The following DAB1 variants were observed in gnomAD, a reference collection of about 807,000 sequenced individuals.
DAB1 encodes the protein disabled homolog 1.
In DAB1, 15 loss-of-function variants were observed where a neutral mutation model predicts 64.6. The ratio of observed to expected loss-of-function variants is 0.23; its 90% CI spans 0.16 to 0.36. The LOEUF (loss-of-function observed/expected upper bound fraction) is 0.36, where lower values mean the gene tolerates loss of function less well. Among genes scored for constraint, DAB1 ranks in the 10% least tolerant of loss-of-function variants. The pLI is 1.00. For synonymous variants in DAB1, 235 were observed against 251.9 expected (o/e 0.93, Z 0.64); for missense variants, 596 against 706.7 (o/e 0.84, Z 1.78).
chr1:58,029,420 C>A (rs371178442), intron 5 of DAB1, among the ~76,000 whole-genome samples: 10 of 152,312 alleles, frequency 6.6e-5, no homozygotes, highest in African/African-American at 2.4e-4. Flanking sequence ...ACAAAAAAAT[C>A]AACACAGCAG....
At chr1:57,752,703 T>C (rs1219079191) in intron 6 of DAB1, among the ~76,000 whole-genome samples, 1 of 152,190 alleles carries the variant, frequency 6.6e-6, no homozygotes, top group African/African-American at 2.4e-5. Context: ...TTCAAGGCTC[T>C]AGAATGTACT....
intron 6 of DAB1, among the ~76,000 whole-genome samples, chr1:57,744,540 T>A (rs1648170252): frequency 6.6e-6 from 1 of 152,126 alleles, no homozygotes; most frequent in African/African-American, 2.4e-5. Flanking sequence ...CCATTCTAAG[T>A]ACTTGTAATT....
chr1:58,347,936 T>C (rs1016818318), intron 3 of DAB1, among the ~76,000 whole-genome samples: 2 of 152,124 alleles, frequency 1.3e-5, no homozygotes, highest in African/African-American at 4.8e-5. Context: ...TAACTCCGGG[T>C]CTTGCCTGAC....
intron 5 of DAB1, among the ~76,000 whole-genome samples, chr1:58,050,799 G>T (rs1237109896): frequency 6.6e-6 from 1 of 152,174 alleles, no homozygotes; most frequent in African/African-American, 2.4e-5. Flanking sequence ...AAAGTGCTGA[G>T]ATTACAGGCG....
intron 7 of DAB1, among the ~76,000 whole-genome samples, chr1:57,578,229 T>C (rs780323908): frequency 6.6e-6 from 1 of 152,192 alleles, no homozygotes; most frequent in Non-Finnish European, 1.5e-5. Flanking sequence ...TATTTTTGAA[T>C]TTTCTATCAA....
intron 1 of DAB1, among the ~76,000 whole-genome samples, chr1:57,303,622 T>C (rs1322699842): frequency 1.3e-5 from 2 of 151,996 alleles, no homozygotes; most frequent in Non-Finnish European, 2.9e-5. Flanking sequence ...AAGTTGTGAG[T>C]TAGCAGAAGT....
At chr1:57,261,593 C>G (rs1467504200) in intron 2 of DAB1, among the ~76,000 whole-genome samples, 2 of 152,126 alleles carry the variant, frequency 1.3e-5, no homozygotes. Context: ...AGACCTACTT[C>G]TCCATAGAGT....
intron 5 of DAB1, among the ~76,000 whole-genome samples, chr1:57,891,299 C>G (rs527511547): frequency 6.6e-6 from 1 of 152,244 alleles, no homozygotes; most frequent in South Asian, 2.1e-4. Context: ...CAAATCAAAC[C>G]ACAATGAGAT....
chr1:58,113,486 T>C (rs1484643890), intron 5 of DAB1, among the ~76,000 whole-genome samples: 2 of 152,280 alleles, frequency 1.3e-5, no homozygotes, highest in South Asian at 2.1e-4. Flanking sequence ...TCTGCCATCA[T>C]AAAAGTATCT....
At chr1:57,038,783 A>G (rs1036203522) in intron 9 of DAB1, among the ~76,000 whole-genome samples, 8 of 152,204 alleles carry the variant, frequency 5.3e-5, no homozygotes, top group African/African-American at 1.9e-4. Context: ...TTACAAATTA[A>G]GCTGATTCTT....
At chr1:58,406,018 G>C (rs1396549479) in intron 3 of DAB1, among the ~76,000 whole-genome samples, 1 of 152,206 alleles carries the variant, frequency 6.6e-6, no homozygotes, top group African/African-American at 2.4e-5. Context: ...CTGCGTGTTT[G>C]ACATACACAA....
At chr1:58,021,748 T>C (rs1034062799) in intron 5 of DAB1, among the ~76,000 whole-genome samples, 2 of 152,070 alleles carry the variant, frequency 1.3e-5, no homozygotes, top group Non-Finnish European at 2.9e-5. Context: ...AGATGTGGTA[T>C]AGGGGAAAGA....
intron 6 of DAB1, among the ~76,000 whole-genome samples, chr1:57,715,676 A>G (rs1189923918): frequency 1.3e-5 from 2 of 152,222 alleles, no homozygotes; most frequent in Non-Finnish European, 2.9e-5. Flanking sequence ...CAAGAAAAGC[A>G]ATCCCATTTA....
intron 4 of DAB1, among the ~76,000 whole-genome samples, chr1:58,297,930 G>T (rs1662030436): frequency 6.6e-6 from 1 of 152,194 alleles, no homozygotes; most frequent in Non-Finnish European, 1.5e-5. Context: ...TATAGTGGGA[G>T]ATTGGGAGAA....
intron 4 of DAB1, among the ~76,000 whole-genome samples, chr1:58,317,517 A>C (rs1280862279): frequency 1.3e-5 from 2 of 152,276 alleles, no homozygotes; most frequent in African/African-American, 4.8e-5. Flanking sequence ...GATGGAAAAA[A>C]TGGACCACTT....
intron 1 of DAB1, among the ~76,000 whole-genome samples, chr1:57,326,329 A>G (rs1676153786): frequency 1.3e-5 from 2 of 152,224 alleles, no homozygotes; most frequent in Non-Finnish European, 2.9e-5. Flanking sequence ...GACAGCAGGA[A>G]GCAAAAGAGG....
At chr1:58,300,648 GGAAGGAAGGAAGGAAGGAAGGA>G (rs1283965204) in intron 4 of DAB1, among the ~76,000 whole-genome samples, 3 of 51,790 alleles carry the variant, frequency 5.8e-5, no homozygotes, top group African/African-American at 2.2e-4. Flanking sequence ...GAGAGAGAGA[GGAAGGAAGGAAGGAAGGAAGGA>G]AGGAAGGAAG....
chr1:57,094,127 G>GAAAAA lies in DAB1; in HGVS notation c.307-21714_307-21713insTTTTT, dbSNP rs1553140874. Among the ~76,000 whole-genome samples the GAAAAA allele has an allele frequency of 9.3e-5, 8 of 85,998 alleles. 1 individual carries two copies. The highest frequency in any genetic ancestry group is 4.5e-4 in the East Asian group (1 of 2,212). The allele number at this position is 85,998 out of a possible 152,430, so 56.4% of individuals were successfully genotyped here. A position where few individuals can be genotyped will look rare whatever the true frequency, so the allele number is the denominator to read the frequency against. On this transcript the variant is annotated intron_variant, in intron 4 of 14. Coordinates refer to ENST00000371236, the MANE Select transcript of DAB1 (RefSeq NM_001365792.1). ...CTGCCTCAAAAAAAAAAAAAAAAAGGAATCTTGGAGTTGACATCTTCAAAA... is the reference window on the plus strand; with the variant it reads ...CTGCCTCAAAAAAAAAAAAAAAAAGGAAAAAAATCTTGGAGTTGACATCTTCAAAA...
intron 1 of DAB1, among the ~76,000 whole-genome samples, chr1:57,409,166 G>A (rs1030697181): frequency 6.6e-6 from 1 of 152,138 alleles, no homozygotes; most frequent in Non-Finnish European, 1.5e-5. Flanking sequence ...CCTCCTGGGG[G>A]CTGCACCTCC....
Sources: allele counts gnomAD v4.1 joint callset (sites outside exome capture counted in the v4.1 genomes callset), GRCh38; gene constraint gnomAD v4.1.1; transcripts MANE v1.5; gene names NCBI Gene and HGNC (gene_info 2026-07-23, HGNC 2026-07-21).